TOX2: variants seen among roughly 807,000 people sequenced by gnomAD.
The protein encoded by TOX2 is TOX high mobility group box family member 2.
A neutral mutation model predicts 47.4 loss-of-function variants in TOX2; 15 were observed. That is an observed-to-expected ratio of 0.32 (90% confidence interval 0.21 to 0.49). The LOEUF (loss-of-function observed/expected upper bound fraction) is 0.49, where lower values mean the gene tolerates loss of function less well. TOX2 is among the 20% of genes least tolerant of loss of function. The pLI, the probability that TOX2 is intolerant of heterozygous loss-of-function variation, is 0.99. For missense variants in TOX2, 622 were observed against 673.1 expected (o/e 0.92, Z 0.84); for synonymous variants, 290 against 296.6 (o/e 0.98, Z 0.23).
chr20:43,995,107 T>G (rs1344972272), intron 2 of TOX2, among the ~76,000 whole-genome samples: 1 of 152,034 alleles, frequency 6.6e-6, no homozygotes, highest in Non-Finnish European at 1.5e-5. Context: ...TGGTATGGAC[T>G]TTTAGTTTTT....
intron 1 of TOX2, among the ~76,000 whole-genome samples, chr20:43,952,775 T>C (rs1476039374): frequency 6.6e-6 from 1 of 152,158 alleles, no homozygotes; most frequent in African/African-American, 2.4e-5. Context: ...TCCAGACATA[T>C]AGGCAGACTG....
intron 5 of TOX2, among the ~76,000 whole-genome samples, chr20:44,062,727 A>G (rs1227689491): frequency 6.6e-6 from 1 of 152,202 alleles, no homozygotes; most frequent in Non-Finnish European, 1.5e-5. Flanking sequence ...GAGGCATCAC[A>G]TTACCCGACT....
intron 3 of TOX2, among the ~76,000 whole-genome samples, chr20:44,012,946 G>T (rs1239887171): frequency 6.6e-6 from 1 of 152,224 alleles, no homozygotes; most frequent in Non-Finnish European, 1.5e-5. Flanking sequence ...TGTGGCCCAG[G>T]GTCCCCCACC....
At chr20:43,981,643 A>G (rs2070170785) in intron 2 of TOX2, among the ~76,000 whole-genome samples, 1 of 152,236 alleles carries the variant, frequency 6.6e-6, no homozygotes, top group Non-Finnish European at 1.5e-5. Flanking sequence ...AGAAAGTTAA[A>G]TAAAATGTAA....
In TOX2 at chr20:44,066,113, C is replaced by T; in HGVS notation, c.1356+6C>T. On this transcript the variant is annotated splice_donor_region_variant and intron_variant, in intron 7 of 8. Coordinates refer to ENST00000341197, the MANE Select transcript of TOX2 (RefSeq NM_001098797.2). Reference sequence around the variant, plus strand: ...CCTCACCTCCAGGGCCACAGGTAAGCAGGGAAGAGCAGAACAGCCCTTCTG... The same window carrying T: ...CCTCACCTCCAGGGCCACAGGTAAGTAGGGAAGAGCAGAACAGCCCTTCTG... The T allele has an allele frequency of 6.5e-7, 1 of 1,531,584 alleles. No homozygotes were observed. Among genetic ancestry groups the T allele is most frequent in the African/African-American group, 1.4e-5 (1 of 73,288 alleles). 94.9% of individuals were successfully genotyped at this position (1,531,584 alleles called of 1,614,324 possible). A position where few individuals can be genotyped will look rare whatever the true frequency, so the allele number is the denominator to read the frequency against.
Position 44,069,019 on chromosome 20 carries a change from G to GC in TOX2, c.*337dup, listed in dbSNP as rs965355243. The GC allele has an allele frequency of 2.2e-6, 1 of 455,202 alleles. No individual in the cohort carries two copies. Among genetic ancestry groups the GC allele is most frequent in the Non-Finnish European group, 4.2e-6 (1 of 236,516 alleles). 28.2% of individuals were successfully genotyped at this position (455,202 alleles called of 1,614,324 possible). ...GCTCCAGCCCCAGCCCAGGTGGGCC[G>GC]CCCCTGGCGGGGTCGCTTACCAACG... On this transcript the variant is annotated 3_prime_UTR_variant, in exon 9 of 9. Transcript: ENST00000341197.
intron 1 of TOX2, among the ~76,000 whole-genome samples, chr20:43,935,122 T>C (rs2069307992): frequency 6.6e-6 from 1 of 152,092 alleles, no homozygotes; most frequent in Admixed American, 6.5e-5. Flanking sequence ...GGAGCACAAA[T>C]CATTATCCCA....
Position 43,914,969 on chromosome 20 carries a change from G to A in TOX2, c.78G>A (p.Leu26=), listed in dbSNP as rs1432201703. 3 of 1,252,476 alleles carry A rather than the reference G, an allele frequency of 2.4e-6. No homozygotes were observed. The highest frequency in any genetic ancestry group is 3.0e-6 in the Non-Finnish European group (3 of 998,632). 77.6% of individuals were successfully genotyped at this position (1,252,476 alleles called of 1,614,324 possible). The part of the protein sequence containing the change: ...PGAEPAGLAH[L]DYYHGGKFDG... ...CCGAGCCGGCCGGCCTGGCGCACCT[G>A]GACTATTACCACGGCGGCAAGGTAG... The change falls in exon 1 of 9, where the codon CTG becomes CTA. Residue 26 remains leucine (L), a synonymous_variant. Coordinates refer to ENST00000341197, the MANE Select transcript of TOX2 (RefSeq NM_001098797.2). This position sits in a 1 kb window ranked among gnomAD's most constrained non-coding sequence, Gnocchi z 4.5.
intron 2 of TOX2, among the ~76,000 whole-genome samples, chr20:43,976,782 G>GCGCACACACACACA (rs1555835309): frequency 4.8e-5 from 7 of 146,434 alleles, no homozygotes; most frequent in African/African-American, 1.8e-4. Context: ...GAGCGCGCGC[G>GCGCACACACACACA]CACACACACA....
At position 44,043,617 on chromosome 20, in the gene TOX2, G is replaced by A. The variant is rs147703604; in HGVS notation, c.412-7689G>A. 5.1e-3 allele frequency among the ~76,000 whole-genome samples: 771 copies of A among 152,298 alleles called. 9 individuals carry two copies. Among genetic ancestry groups the A allele is most frequent in the African/African-American group, 0.018 (743 of 41,550 alleles). ...TTAACCGTCTACAGAATTCCATTAT[G>A]TGAATACACCACAGATTTTCGCCAT... On this transcript the variant is annotated intron_variant, in intron 3 of 8. Transcript: ENST00000341197.
At chr20:43,989,402 C>T (rs1445459635) in intron 2 of TOX2, among the ~76,000 whole-genome samples, 2 of 152,182 alleles carry the variant, frequency 1.3e-5, no homozygotes, top group Non-Finnish European at 2.9e-5. Flanking sequence ...TGCGGGAGCC[C>T]AGTCCCTTCT....
chr20:44,018,468 G>A (rs746979202), intron 3 of TOX2, among the ~76,000 whole-genome samples: 1 of 152,162 alleles, frequency 6.6e-6, no homozygotes, highest in Non-Finnish European at 1.5e-5. Flanking sequence ...TCTTTCCTCC[G>A]AGTGCATATT....
At chr20:43,951,361 G>A (rs1045569436) in intron 1 of TOX2, among the ~76,000 whole-genome samples, 1 of 152,064 alleles carries the variant, frequency 6.6e-6, no homozygotes, top group Admixed American at 6.5e-5. Flanking sequence ...GATCACTTGA[G>A]TACCGGAGTT....
intron 1 of TOX2, among the ~76,000 whole-genome samples, chr20:43,923,486 A>T (rs2069132609): frequency 6.6e-6 from 1 of 152,112 alleles, no homozygotes; most frequent in South Asian, 2.1e-4. Flanking sequence ...CCTGGGGAGG[A>T]GCTGAAAGTT....
At chr20:43,954,383 C>T (rs11086912) in intron 1 of TOX2, among the ~76,000 whole-genome samples, 16,765 of 152,280 alleles carry the variant, frequency 0.11, 1,138 homozygotes, top group African/African-American at 0.18. Context: ...CACAATGCAA[C>T]GTGTGACCAC....
intron 5 of TOX2, among the ~76,000 whole-genome samples, chr20:44,058,046 G>C (rs1457671113): frequency 6.6e-6 from 1 of 152,170 alleles, no homozygotes; most frequent in African/African-American, 2.4e-5. Flanking sequence ...ACAGAGCACG[G>C]AGACTCACAT....
At chr20:43,997,108 C>G (rs1026239848) in intron 2 of TOX2, among the ~76,000 whole-genome samples, 83 of 152,176 alleles carry the variant, frequency 5.5e-4, no homozygotes, top group African/African-American at 2.0e-3. Flanking sequence ...ACCTGCTACT[C>G]CCTCAGTGAA....
chr20:44,034,598 CAAG>C (rs1276326988), intron 3 of TOX2, among the ~76,000 whole-genome samples: 5 of 152,190 alleles, frequency 3.3e-5, no homozygotes, highest in Non-Finnish European at 5.9e-5. Context: ...GGCAGTGACT[CAAG>C]GAAGCTCAGA....
chr20:43,974,566 A>G (rs542139596), intron 2 of TOX2, among the ~76,000 whole-genome samples: 1 of 152,208 alleles, frequency 6.6e-6, no homozygotes, highest in African/African-American at 2.4e-5. Flanking sequence ...GCTGACCTCT[A>G]CCCTCTGTCT....
Sources: gnomAD v4.1 joint callset for allele counts (sites outside exome capture counted in the v4.1 genomes callset) on GRCh38, gnomAD v4.1.1 for gene constraint, Gnocchi (gnomAD v3.1) non-coding constraint, MANE v1.5 for transcripts, NCBI Gene and HGNC (gene_info 2026-07-23, HGNC 2026-07-21) for gene names.